Variants in ZC3HAV1 observed in about 807,000 individuals in gnomAD.
The protein encoded by ZC3HAV1 is zinc finger CCCH-type antiviral protein 1.
ZC3HAV1 carries 41 observed loss-of-function variants against 86.6 expected under a neutral mutation model. The observed-to-expected ratio is 0.47, with a 90% CI of 0.37 to 0.61. ZC3HAV1 has a LOEUF of 0.61. Ranked by LOEUF, ZC3HAV1 falls within the 20% of genes least tolerant of loss-of-function variation. ZC3HAV1 has a pLI of 0.00. For missense variants in ZC3HAV1, 964 were observed against 1,141.1 expected, an observed-to-expected ratio of 0.84 and a Z score of 2.24; for synonymous variants, 421 against 432.1, an observed-to-expected ratio of 0.97 and a Z score of 0.32.
intron 12 of ZC3HAV1, among the ~76,000 whole-genome samples, chr7:139,051,881 T>C (rs991250410): frequency 6.6e-6 from 1 of 152,204 alleles, no homozygotes; most frequent in African/African-American, 2.4e-5. Context: ...GGGCAAGAAT[T>C]GAATTTAATC....
At chr7:139,078,526 T>TACA in intron 5 of ZC3HAV1, 26 bp downstream of exon 5, 1 of 1,550,052 alleles carries the variant, frequency 6.5e-7, no homozygotes, top group Non-Finnish European at 8.8e-7. Flanking sequence ...GGTGGAAGCT[T>TACA]ACAGAAAAGT....
At chr7:139,081,340 C>T in intron 3 of ZC3HAV1, among the ~76,000 whole-genome samples, 1 of 151,868 alleles carries the variant, frequency 6.6e-6, no homozygotes, top group East Asian at 1.9e-4. Flanking sequence ...TCTTCCAAAC[C>T]CAGGGGGCAG....
In ZC3HAV1 at chr7:139,046,712, T is replaced by C. The variant is rs1188002609; in HGVS notation, c.*882A>G. 1 of 152,182 alleles carries C rather than the reference T, an allele frequency of 6.6e-6. No homozygotes were observed. The highest frequency in any genetic ancestry group is 2.4e-5 in the African/African-American group (1 of 41,406). The allele number at this position is 152,182 out of a possible 1,614,324, so 9.4% of individuals were successfully genotyped here. A position where few individuals can be genotyped will look rare whatever the true frequency, so the allele number is the denominator to read the frequency against. On this transcript the variant is annotated 3_prime_UTR_variant, in exon 13 of 13. Coordinates refer to ENST00000242351, the MANE Select transcript of ZC3HAV1 (RefSeq NM_020119.4). ...ATGATAAGGTACAGTACTGCAGCCA[T>C]GTCTGCAATAGCACTTCAATTTTAC... is the stretch of plus-strand genomic sequence containing the variant.
chr7:139,103,790 CT>C (rs1282179710), intron 1 of ZC3HAV1, among the ~76,000 whole-genome samples: 7 of 152,144 alleles, frequency 4.6e-5, no homozygotes, highest in African/African-American at 7.2e-5. Context: ...TGATGAAATA[CT>C]TTTCAACTGT....
chr7:139,075,501 C>T lies in ZC3HAV1; in HGVS notation c.1697+785G>A, dbSNP rs190157260. On this transcript the variant is annotated intron_variant, in intron 6 of 12. Transcript: ENST00000242351. ...AGGCTGGAGTGTGGTAGCACAATCA[C>T]GGCTCATTGCAGCCTCAACTTCTTG... is the stretch of plus-strand genomic sequence containing the variant. 1.2e-3 allele frequency among the ~76,000 whole-genome samples: 179 copies of T among 152,312 alleles called. 1 individual carries two copies. Among genetic ancestry groups the T allele is most frequent in the Admixed American group, 4.2e-3 (65 of 15,296 alleles).
rs1818041761 is a variant in ZC3HAV1 at position 139,109,385 on chromosome 7, T to A, written c.-54A>T. The A allele has an allele frequency of 2.0e-6, 3 of 1,481,126 alleles. No homozygotes were observed. The allele number at this position is 1,481,126 out of a possible 1,614,324, so 91.7% of individuals were successfully genotyped here. The stretch of plus-strand genomic sequence containing the variant: ...GGCGCGGGACTCGGTTCCGCGGAAA[T>A]CGGAAATCGAAACTTACAAGTGTCC... On this transcript the variant is annotated 5_prime_UTR_variant, in exon 1 of 13. Transcript: ENST00000242351.
At chr7:139,080,537 C>T (rs895591378) in intron 3 of ZC3HAV1, among the ~76,000 whole-genome samples, 3 of 152,188 alleles carry the variant, frequency 2.0e-5, no homozygotes, top group African/African-American at 7.2e-5. Context: ...TCCAGCGATC[C>T]TCCCACCTGA....
At chr7:139,051,346 C>G (rs1048824759) in intron 12 of ZC3HAV1, among the ~76,000 whole-genome samples, 1 of 151,998 alleles carries the variant, frequency 6.6e-6, no homozygotes, top group Non-Finnish European at 1.5e-5. Context: ...GCGAAGCTGC[C>G]GCGCCTGACC....
chr7:139,056,410 C>CTTT (rs143452325), intron 9 of ZC3HAV1, among the ~76,000 whole-genome samples: 28 of 132,016 alleles, frequency 2.1e-4, no homozygotes, highest in Non-Finnish European at 3.2e-4. Flanking sequence ...TTTTTCTTTT[C>CTTT]TTTTCTTTTT....
In ZC3HAV1 at chr7:139,080,085, C is replaced by G. The variant is rs748210844; in HGVS notation, c.856G>C (p.Glu286Gln). 37 of 1,614,038 alleles carry G rather than the reference C, an allele frequency of 2.3e-5. No homozygotes were observed. The highest frequency in any genetic ancestry group is 3.1e-5 in the Non-Finnish European group (37 of 1,180,034). Residue 286 changes from glutamate to glutamine, a missense_variant, in exon 4 of 13, where the codon GAG becomes CAG. Coordinates refer to ENST00000242351, the MANE Select transcript of ZC3HAV1 (RefSeq NM_020119.4). ...GTGAGATCGTCCACAGGCGCGTCCT[C>G]CAGGGAAGCCCTGTGGCTGATCTGA... Reference protein sequence around the residue: ...PDQISHRASLEDAPVDDLTRK... With the variant: ...PDQISHRASLQDAPVDDLTRK...
At chr7:139,053,658 G>T (rs554331150) in intron 11 of ZC3HAV1, 77 bp from the exon 12 acceptor site, 2 of 1,477,388 alleles carry the variant, frequency 1.4e-6, no homozygotes, top group African/African-American at 2.8e-5. Context: ...CCCAGCTAAA[G>T]TCTAATCATC....
chr7:139,081,925 G>C (rs1415109934), intron 3 of ZC3HAV1, among the ~76,000 whole-genome samples: 4 of 152,076 alleles, frequency 2.6e-5, no homozygotes, highest in Non-Finnish European at 5.9e-5. Context: ...ACTTCATAAA[G>C]ACATTAAAAA....
intron 1 of ZC3HAV1, among the ~76,000 whole-genome samples, chr7:139,107,810 G>A (rs898232433): frequency 1.3e-5 from 2 of 152,100 alleles, no homozygotes; most frequent in Non-Finnish European, 2.9e-5. Flanking sequence ...TTAAACCCTG[G>A]GACACAAGTC....
intron 1 of ZC3HAV1, among the ~76,000 whole-genome samples, chr7:139,104,667 G>A (rs1441864217): frequency 2.1e-5 from 3 of 140,608 alleles, no homozygotes. Flanking sequence ...AGGTTGCAGC[G>A]AGCTGAGATC....
chr7:139,101,751 G>A (rs1459053684), intron 1 of ZC3HAV1, among the ~76,000 whole-genome samples: 1 of 151,322 alleles, frequency 6.6e-6, no homozygotes, highest in Non-Finnish European at 1.5e-5. Flanking sequence ...GTCCACTCAG[G>A]GTTAAATGGA....
rs546708437 is a variant in ZC3HAV1 at position 139,094,905 on chromosome 7, G to A, written c.309-5146C>T. Among the ~76,000 whole-genome samples the A allele has an allele frequency of 2.6e-5, 4 of 151,964 alleles. No homozygotes were observed. In the East Asian group the frequency reaches 7.7e-4, roughly 29 times the overall value. On this transcript the variant is annotated intron_variant, in intron 1 of 12. Coordinates refer to ENST00000242351, the MANE Select transcript of ZC3HAV1 (RefSeq NM_020119.4). ...ACTGGATGTTCACCTCGGAGCTCTT[G>A]CACTTCACAAATCGGTAAACACAGG...
At chr7:139,073,044 T>C (rs142876789) in intron 7 of ZC3HAV1, among the ~76,000 whole-genome samples, 1,660 of 152,206 alleles carry the variant, frequency 0.011, 29 homozygotes, top group African/African-American at 0.038. Flanking sequence ...GTCTGTAATC[T>C]CAACACTTTG....
rs2130655661 is a variant in ZC3HAV1, at chr7:139,047,547, A to G, written c.*47T>C. The G allele has an allele frequency of 1.2e-6, 2 of 1,608,960 alleles. No homozygotes were observed. Among genetic ancestry groups the G allele is most frequent in the Non-Finnish European group, 1.7e-6 (2 of 1,177,946 alleles). On this transcript the variant is annotated 3_prime_UTR_variant, in exon 13 of 13. Coordinates refer to ENST00000242351, the MANE Select transcript of ZC3HAV1 (RefSeq NM_020119.4). ...TGTCTGCGGCAATTTAGTTCTGTAA[A>G]GGAACAGAATGGTTATGGCATCCTT...
At chr7:139,098,747 T>C (rs2130732615) in intron 1 of ZC3HAV1, among the ~76,000 whole-genome samples, 1 of 152,322 alleles carries the variant, frequency 6.6e-6, no homozygotes, top group African/African-American at 2.4e-5. Context: ...GTCTCCCCTC[T>C]CTCCTCCCAA....
Sources: allele counts gnomAD v4.1 joint callset (sites outside exome capture counted in the v4.1 genomes callset), GRCh38; gene constraint gnomAD v4.1.1; transcripts MANE v1.5; gene names NCBI Gene and HGNC (gene_info 2026-07-23, HGNC 2026-07-21).